LINGO2: variants seen among roughly 807,000 people sequenced by gnomAD.
LINGO2 encodes the protein leucine-rich repeat and immunoglobulin-like domain-containing nogo receptor-interacting protein 2.
A neutral mutation model predicts 30.6 loss-of-function variants in LINGO2; 14 were observed. The observed-to-expected ratio is 0.46, with a 90% confidence interval of 0.30 to 0.72. The LOEUF is 0.72. Ranked by LOEUF, LINGO2 falls within the 30% of genes least tolerant of loss-of-function variation. The probability of loss-of-function intolerance (pLI) is 0.07; values close to 1 mark genes in which losing one functional copy is unlikely to be tolerated. For missense variants in LINGO2, 729 were observed against 751.7 expected (o/e 0.97, Z 0.35); for synonymous variants, 317 against 288.5 (o/e 1.10, Z -1.00).
At chr9:28,780,763 G>A in the LINGO2 span, among the ~76,000 whole-genome samples, 1 of 151,370 alleles carries the variant, frequency 6.6e-6, no homozygotes, top group African/African-American at 2.4e-5. Context: ...CAATAATAAT[G>A]CACACAAACA....
At chr9:28,195,907 C>A (rs1366059801) in intron 4 of LINGO2, among the ~76,000 whole-genome samples, 1 of 151,536 alleles carries the variant, frequency 6.6e-6, no homozygotes, top group Non-Finnish European at 1.5e-5. Flanking sequence ...AAGTTATCAG[C>A]AAATCAAATT....
At chr9:28,717,710 T>C in the LINGO2 span, among the ~76,000 whole-genome samples, 5 of 151,936 alleles carry the variant, frequency 3.3e-5, no homozygotes, top group African/African-American at 1.2e-4. Context: ...CATTCATCCC[T>C]CCTGTCTCTT....
At chr9:29,029,758 GC>G in the LINGO2 span, among the ~76,000 whole-genome samples, 1 of 152,078 alleles carries the variant, frequency 6.6e-6, no homozygotes, top group Non-Finnish European at 1.5e-5. Flanking sequence ...GTGGATTGGG[GC>G]AAGCAGCAAG....
At chr9:28,508,781 A>T (rs1384699615) in intron 1 of LINGO2, among the ~76,000 whole-genome samples, 1 of 152,068 alleles carries the variant, frequency 6.6e-6, no homozygotes, top group Non-Finnish European at 1.5e-5. Flanking sequence ...GAGTAGAACA[A>T]CCATGACAGT....
chr9:29,083,605 C>G, the LINGO2 span, among the ~76,000 whole-genome samples: 26 of 151,144 alleles, frequency 1.7e-4, no homozygotes, highest in African/African-American at 2.4e-5. Flanking sequence ...GAAGAATGCA[C>G]CTGGGGAGCA....
intron 1 of LINGO2, among the ~76,000 whole-genome samples, chr9:28,562,197 T>G (rs1167050935): frequency 6.6e-6 from 1 of 151,950 alleles, no homozygotes; most frequent in Admixed American, 6.6e-5. Flanking sequence ...TCATAGAACT[T>G]TTCAGTTTTT....
At chr9:27,953,452 G>A (rs755564507) in intron 5 of LINGO2, among the ~76,000 whole-genome samples, 4 of 152,188 alleles carry the variant, frequency 2.6e-5, no homozygotes, top group African/African-American at 9.6e-5. Context: ...AACCCTTGAC[G>A]GCTAATATGG....
chr9:28,668,818 G>T (rs1828904937), intron 1 of LINGO2, among the ~76,000 whole-genome samples: 1 of 151,958 alleles, frequency 6.6e-6, no homozygotes, highest in African/African-American at 2.4e-5. Context: ...TTTTTGATTG[G>T]AAGAGCCCTA....
At chr9:28,474,186 A>G (rs915748958) in intron 2 of LINGO2, among the ~76,000 whole-genome samples, 6 of 152,156 alleles carry the variant, frequency 3.9e-5, no homozygotes, top group Non-Finnish European at 5.9e-5. Flanking sequence ...AAAGTGCTGC[A>G]ATTTTCTTTG....
chr9:28,947,022 T>C, the LINGO2 span, among the ~76,000 whole-genome samples: 1 of 152,054 alleles, frequency 6.6e-6, no homozygotes. Flanking sequence ...TAAACTAATA[T>C]CCTAAATGTG....
chr9:28,254,715 T>C (rs1020869154), intron 4 of LINGO2, among the ~76,000 whole-genome samples: 3 of 152,104 alleles, frequency 2.0e-5, no homozygotes, highest in African/African-American at 7.2e-5. Flanking sequence ...TTCAGAAGGC[T>C]CTCACTCAAA....
the LINGO2 span, among the ~76,000 whole-genome samples, chr9:28,850,344 G>A: frequency 6.6e-6 from 1 of 151,842 alleles, no homozygotes; most frequent in Non-Finnish European, 1.5e-5. Context: ...TAGCTGAGTC[G>A]AGAGTGAGAA....
intron 4 of LINGO2, among the ~76,000 whole-genome samples, chr9:28,213,917 C>A (rs1820678744): frequency 6.6e-6 from 1 of 151,470 alleles, no homozygotes; most frequent in African/African-American, 2.4e-5. Flanking sequence ...TTCCCTAATT[C>A]AATCCTCAAT....
chr9:28,655,595 T>C (rs566329575), intron 1 of LINGO2, among the ~76,000 whole-genome samples: 7 of 152,160 alleles, frequency 4.6e-5, no homozygotes, highest in African/African-American at 1.7e-4. Context: ...TGAATTGTAC[T>C]TCCCATAATC....
At chr9:29,105,559 A>C in the LINGO2 span, among the ~76,000 whole-genome samples, 1 of 152,158 alleles carries the variant, frequency 6.6e-6, no homozygotes, top group African/African-American at 2.4e-5. Context: ...ACTTTGTCTA[A>C]TTTCCTTCCC....
chr9:28,437,356 A>G (rs1823988565), intron 2 of LINGO2, among the ~76,000 whole-genome samples: 1 of 152,130 alleles, frequency 6.6e-6, no homozygotes, highest in Non-Finnish European at 1.5e-5. Flanking sequence ...GGTCTTCAGC[A>G]TCTGACTGAG....
chr9:28,694,823 T>C, the LINGO2 span, among the ~76,000 whole-genome samples: 6 of 151,978 alleles, frequency 3.9e-5, no homozygotes, highest in African/African-American at 1.4e-4. Context: ...CATGTGTCAC[T>C]TATGAGCTGG....
chr9:28,771,761 T>C, the LINGO2 span, among the ~76,000 whole-genome samples: 1 of 152,112 alleles, frequency 6.6e-6, no homozygotes, highest in Non-Finnish European at 1.5e-5. Context: ...GATTGGCTAT[T>C]AGGAAAGATG....
chr9:28,134,399 T>C (rs1827458272), intron 4 of LINGO2, among the ~76,000 whole-genome samples: 1 of 152,206 alleles, frequency 6.6e-6, no homozygotes, highest in South Asian at 2.1e-4. Context: ...CAAACAAACA[T>C]ATATAAAATG....
Sources: gnomAD v4.1 joint callset for allele counts (sites outside exome capture counted in the v4.1 genomes callset) on GRCh38, gnomAD v4.1.1 for gene constraint, MANE v1.5 for transcripts, NCBI Gene and HGNC (gene_info 2026-07-23, HGNC 2026-07-21) for gene names.